Variants in PER3 observed in about 807,000 individuals in gnomAD.
PER3 encodes the protein period circadian regulator 3.
In PER3, 107 loss-of-function variants were observed where a neutral mutation model predicts 127.2. That is an observed-to-expected ratio of 0.84 (90% CI 0.72 to 0.99). The LOEUF is 0.99. Ranked by LOEUF, PER3 falls within the 50% of genes least tolerant of loss-of-function variation. The pLI, the probability that PER3 is intolerant of heterozygous loss-of-function variation, is 0.00. For synonymous variants in PER3, 618 were observed against 585.8 expected, an observed-to-expected ratio of 1.05 and a Z score of -0.79; for missense variants, 1,560 against 1,525.8, an observed-to-expected ratio of 1.02 and a Z score of -0.37.
intron 17 of PER3, 79 bp from the exon 18 acceptor site, chr1:7,827,039 A>G (rs113813902): frequency 5.3e-6 from 6 of 1,134,566 alleles, no homozygotes; most frequent in South Asian, 1.6e-5. Context: ...TCAGCTACTT[A>G]TAACTACCTG....
intron 19 of PER3, among the ~76,000 whole-genome samples, chr1:7,835,272 C>T (rs963826716): frequency 3.3e-5 from 5 of 152,054 alleles, no homozygotes; most frequent in Middle Eastern, 3.4e-3. Flanking sequence ...ATGTATTTGG[C>T]GACTTGGGTT....
In PER3 at chr1:7,826,546, A is replaced by T; in HGVS notation, c.2024A>T (p.Glu675Val). 3 of 1,614,130 alleles carry T rather than the reference A, an allele frequency of 1.9e-6. No individual in the cohort carries two copies. In the African/African-American group the frequency reaches 4.0e-5, roughly 22 times the overall value. ...ATGCAGCCAGCCCCTTTGACCTCGG[A>T]AGAATTTAAACACGTGGGGCTCACA... ...LNMQPAPLTSEEFKHVGLTAA... is the reference protein window; with the variant it reads ...LNMQPAPLTSVEFKHVGLTAA... The change falls in exon 17 of 22, where the codon GAA (glutamate) becomes GTA (valine). Residue 675 changes from glutamate (E) to valine (V), a missense_variant. By Grantham distance (121) the Glu-to-Val change is moderately radical. This residue lies in a region of PER3 where 1,332 missense variants were observed against 1,223.6 expected (regional missense o/e 1.09). Coordinates refer to ENST00000377532, the MANE Select transcript of PER3 (RefSeq NM_001377275.1). This position sits in a 1 kb window ranked among gnomAD's most constrained non-coding sequence, Gnocchi z 4.2.
chr1:7,816,168 G>GA (rs1010373666), intron 13 of PER3, among the ~76,000 whole-genome samples: 3 of 151,398 alleles, frequency 2.0e-5, no homozygotes. Flanking sequence ...AAAAATAAGA[G>GA]AAAAAAGAAC....
chr1:7,829,391 C>T (rs2097318175), intron 18 of PER3, among the ~76,000 whole-genome samples: 2 of 152,184 alleles, frequency 1.3e-5, no homozygotes, highest in South Asian at 4.1e-4. Context: ...TTTTTCCTTT[C>T]CTTCTTGAGA....
At chr1:7,790,547 T>G (rs1015481243) in intron 5 of PER3, among the ~76,000 whole-genome samples, 2 of 152,138 alleles carry the variant, frequency 1.3e-5, no homozygotes, top group African/African-American at 4.8e-5. Context: ...ACCATATCAT[T>G]CTGCTCTTAA....
In PER3 at chr1:7,843,567, G is replaced by A. The variant is rs1359566930; in HGVS notation, c.*812G>A. 6.6e-6 allele frequency: 1 copy of A among 152,486 alleles called. No homozygotes were observed. Among genetic ancestry groups the A allele is most frequent in the Non-Finnish European group, 1.5e-5 (1 of 68,156 alleles). The allele number at this position is 152,486 out of a possible 1,614,324, so 9.4% of individuals were successfully genotyped here. On this transcript the variant is annotated 3_prime_UTR_variant, in exon 22 of 22. Transcript: ENST00000377532. ...GATTGTAAAATGTTTTACAAGTAAT[G>A]TAAAAGCTAGTATCATTCTTACATA... is the stretch of plus-strand genomic sequence containing the variant.
At position 7,803,067 on chromosome 1, in the gene PER3, A is replaced by G. The variant is rs779768711; in HGVS notation, c.893A>G (p.Tyr298Cys). The change falls in exon 9 of 22, where the codon TAC becomes TGC. Residue 298 changes from tyrosine to cysteine, a missense_variant. Physicochemically the swap from Tyr to Cys is radical, Grantham distance 194 (BLOSUM62 -2). Coordinates refer to ENST00000377532, the MANE Select transcript of PER3 (RefSeq NM_001377275.1). ...VDEKAVPLLG[Y>C]LPQDLIGTSI... ...CCCAGAGCAGTGCCTTTGCTGGGTT[A>G]CCTACCTCAGGACCTGATTGGAACA... is the stretch of plus-strand genomic sequence containing the variant. The G allele has an allele frequency of 2.0e-5, 33 of 1,610,194 alleles. No individual in the cohort carries two copies. The highest frequency in any genetic ancestry group is 2.8e-5 in the Non-Finnish European group (33 of 1,176,406).
rs749139912 is a variant in PER3 at position 7,830,147 on chromosome 1, G to C, written c.3200G>C (p.Gly1067Ala). ...CCCAGCGAATCCCCATCCAGAACTG[G>C]TTCAGCAGCATCAGGTAGTGGATCA... ...SPPSESPSRT[G>A]SAASGSSDSS... Residue 1067 changes from glycine to alanine, a missense_variant, in exon 19 of 22, where the codon GGT becomes GCT. By Grantham distance (60) the Gly-to-Ala change is moderately conservative. Transcript: ENST00000377532. 2 of 1,613,720 alleles carry C rather than the reference G, an allele frequency of 1.2e-6. No homozygotes were observed. The highest frequency in any genetic ancestry group is 1.7e-5 in the Admixed American group (1 of 60,010).
chr1:7,817,697 C>G (rs540413790), intron 13 of PER3, among the ~76,000 whole-genome samples: 1 of 152,050 alleles, frequency 6.6e-6, no homozygotes, highest in South Asian at 2.1e-4. Context: ...GTTTAATATA[C>G]AGAGGGATGG....
At chr1:7,840,211 A>G (rs942980304) in intron 21 of PER3, among the ~76,000 whole-genome samples, 10 of 151,454 alleles carry the variant, frequency 6.6e-5, no homozygotes, top group Non-Finnish European at 1.3e-4. Flanking sequence ...TATTTATGGA[A>G]TTTCTTTCTG....
At chr1:7,824,169 GAGA>G (rs1358821260) in intron 16 of PER3, among the ~76,000 whole-genome samples, 1 of 152,170 alleles carries the variant, frequency 6.6e-6, no homozygotes. Flanking sequence ...AATGCCGTTA[GAGA>G]AGAAATGTCT....
Position 7,793,949 on chromosome 1 carries a change from C to T in PER3, c.593-8C>T, listed in dbSNP as rs1368704615. The T allele has an allele frequency of 6.2e-6, 10 of 1,612,862 alleles. No homozygotes were observed. Among genetic ancestry groups the T allele is most frequent in the Non-Finnish European group, 7.6e-6 (9 of 1,178,930 alleles). Reference sequence around the variant, plus strand: ...AGGGAGTGACTGACCAGGCATCTTTCTTTCTAGCAGCTGCACGGTATGAAT... The same window carrying T: ...AGGGAGTGACTGACCAGGCATCTTTTTTTCTAGCAGCTGCACGGTATGAAT... On this transcript the variant is annotated splice_region_variant and splice_polypyrimidine_tract_variant and intron_variant, in intron 5 of 21. Transcript: ENST00000377532.
At chr1:7,789,140 AATATATATATAT>A (rs59535110) in intron 5 of PER3, among the ~76,000 whole-genome samples, 3 of 133,160 alleles carry the variant, frequency 2.3e-5, no homozygotes, top group Non-Finnish European at 5.0e-5. Context: ...AGAGCTTTAA[AATATATATATAT>A]ATATATCAGC....
At chr1:7,799,758 T>C (rs1367303186) in intron 7 of PER3, among the ~76,000 whole-genome samples, 1 of 152,124 alleles carries the variant, frequency 6.6e-6, no homozygotes, top group East Asian at 1.9e-4. Flanking sequence ...TTTTGTGTAT[T>C]CTTTTTTTGT....
intron 10 of PER3, among the ~76,000 whole-genome samples, chr1:7,806,557 G>T (rs756712476): frequency 9.9e-5 from 15 of 151,928 alleles, no homozygotes; most frequent in Non-Finnish European, 2.2e-4. Flanking sequence ...GGAGGCTGAG[G>T]CAGGAGGATC....
intron 4 of PER3, chr1:7,787,576 C>A (rs2097098065): frequency 5.9e-6 from 2 of 337,444 alleles, no homozygotes; most frequent in South Asian, 2.3e-5. Context: ...CCAATGCTAG[C>A]AAACACAAAC....
chr1:7,792,772 A>G (rs1577652243), intron 5 of PER3, among the ~76,000 whole-genome samples: 1 of 152,336 alleles, frequency 6.6e-6, no homozygotes, highest in Middle Eastern at 3.4e-3. Context: ...GGATCTGACC[A>G]TTACTTCTTC....
chr1:7,823,749 A>AG (rs2097288691), intron 16 of PER3, among the ~76,000 whole-genome samples: 1 of 152,220 alleles, frequency 6.6e-6, no homozygotes, highest in South Asian at 2.1e-4. Flanking sequence ...AAAAACATAG[A>AG]GAAAAAATAA....
intron 16 of PER3, among the ~76,000 whole-genome samples, chr1:7,824,891 G>A (rs1577888588): frequency 1.3e-5 from 2 of 152,160 alleles, no homozygotes; most frequent in African/African-American, 2.4e-5. Context: ...ATCCTCTCAG[G>A]TGGTTTTTTC....
Sources: allele counts gnomAD v4.1 joint callset (sites outside exome capture counted in the v4.1 genomes callset), GRCh38; gene constraint gnomAD v4.1.1; regional missense constraint gnomAD v4.1.1; non-coding constraint Gnocchi (gnomAD v3.1); transcripts MANE v1.5; gene names NCBI Gene and HGNC (gene_info 2026-07-23, HGNC 2026-07-21).